ITGA2: variants seen among roughly 807,000 people sequenced by gnomAD.
ITGA2 encodes the protein integrin subunit alpha 2.
A neutral mutation model predicts 146.3 loss-of-function variants in ITGA2; 101 were observed. The observed-to-expected ratio is 0.69, with a 90% CI of 0.59 to 0.81. ITGA2 has a LOEUF of 0.81. Among genes scored for constraint, ITGA2 ranks in the 40% least tolerant of loss-of-function variants. ITGA2 has a pLI of 0.00. For synonymous variants in ITGA2, 477 were observed against 487.1 expected (o/e 0.98, Z 0.27); for missense variants, 1,281 against 1,402.7 (o/e 0.91, Z 1.39).
rs1339861518 is a variant in ITGA2 at position 53,055,578 on chromosome 5, G to A, written c.820G>A (p.Ala274Thr). 6.2e-7 allele frequency: 1 copy of A among 1,613,182 alleles called. No homozygotes were observed. The highest frequency in any genetic ancestry group is 8.5e-7 in the Non-Finnish European group (1 of 1,179,398). Residue 274 changes from alanine (A) to threonine (T), a missense_variant, in exon 8 of 30, where the codon GCT becomes ACT. Coordinates refer to ENST00000296585, the MANE Select transcript of ITGA2 (RefSeq NM_002203.4). Reference protein sequence around the residue: ...YSAASGGRRSATKVMVVVTDG... With the variant: ...YSAASGGRRSTTKVMVVVTDG... The stretch of plus-strand genomic sequence containing the variant: ...AGCAGCTTCTGGTGGGCGACGAAGT[G>A]CTACGAAAGTAATGGTAGTTGTAAC...
chr5:53,044,926 G>A lies in ITGA2; in HGVS notation c.296-75G>A, dbSNP rs1237557728. 4 of 990,110 alleles carry A rather than the reference G, an allele frequency of 4.0e-6. No individual in the cohort carries two copies. The East Asian group carries it at 7.6e-5, about 19-fold the overall frequency. 61.3% of individuals were successfully genotyped at this position (990,110 alleles called of 1,614,324 possible). On this transcript the variant is annotated intron_variant, in intron 3 of 29. Transcript: ENST00000296585. ...CAATGCTACATGCAAACATGGGTGT[G>A]CCTGTTTTCTTTTAATATCTTTAAG...
At chr5:53,072,802 T>C (rs544849926) in intron 19 of ITGA2, 107 bp downstream of exon 19, 1 of 976,680 alleles carries the variant, frequency 1.0e-6, no homozygotes, top group South Asian at 1.4e-5. Flanking sequence ...GAAACATTCA[T>C]AACTCATAAA....
intron 1 of ITGA2, among the ~76,000 whole-genome samples, chr5:53,006,018 G>C (rs922140418): frequency 2.6e-5 from 4 of 151,964 alleles, no homozygotes; most frequent in African/African-American, 9.7e-5. Context: ...ACAATGACAA[G>C]ACATGGACCC....
In ITGA2 at chr5:53,090,503, A is replaced by G. The variant is rs1415353278; in HGVS notation, c.3466-16A>G. 2.5e-6 allele frequency: 4 copies of G among 1,611,982 alleles called. No homozygotes were observed. The South Asian group carries it at 4.4e-5, about 18-fold the overall frequency. The stretch of plus-strand genomic sequence containing the variant: ...AAGCCACGGGTGGTAACATTCTTAT[A>G]TCATCACCTTTACAGCTCGGCTTCT... On this transcript the variant is annotated splice_polypyrimidine_tract_variant and intron_variant, in intron 29 of 29. Coordinates refer to ENST00000296585, the MANE Select transcript of ITGA2 (RefSeq NM_002203.4).
chr5:53,060,198 A>G (rs1023269444), intron 11 of ITGA2, among the ~76,000 whole-genome samples, 186 bp downstream of exon 11: 4 of 151,926 alleles, frequency 2.6e-5, no homozygotes, highest in African/African-American at 7.2e-5. Flanking sequence ...TTGGAATACT[A>G]TATTATACTC....
intron 1 of ITGA2, among the ~76,000 whole-genome samples, chr5:52,999,619 G>T (rs979890183): frequency 1.1e-4 from 16 of 152,134 alleles, no homozygotes; most frequent in African/African-American, 3.9e-4. Context: ...GCAGTAAGTT[G>T]CATTACAGAA....
Position 53,042,154 on chromosome 5 carries a change from A to G in ITGA2, c.228A>G (p.Arg76=). 6.2e-7 allele frequency: 1 copy of G among 1,613,492 alleles called. No individual in the cohort carries two copies. Among genetic ancestry groups the G allele is most frequent in the Non-Finnish European group, 8.5e-7 (1 of 1,179,466 alleles). Residue 76 remains arginine (R), a synonymous_variant, in exon 3 of 30, where the codon CGA becomes CGG. Coordinates refer to ENST00000296585, the MANE Select transcript of ITGA2 (RefSeq NM_002203.4). Reference sequence around the variant, plus strand: ...CCTGGAGTGGCTTTCCTGAGAACCGAATGGGAGATGTGTATAAATGTCCTG... The same window carrying G: ...CCTGGAGTGGCTTTCCTGAGAACCGGATGGGAGATGTGTATAAATGTCCTG... ...GSPWSGFPEN[R]MGDVYKCPVD... is the part of the protein sequence containing the mutation.
At chr5:53,082,898 C>G (rs923657518) in intron 26 of ITGA2, among the ~76,000 whole-genome samples, 3 of 152,090 alleles carry the variant, frequency 2.0e-5, no homozygotes, top group African/African-American at 7.2e-5. Flanking sequence ...GTTTAAAAAC[C>G]TAGGGAGTCT....
chr5:53,049,753 A>C (rs906213964), intron 6 of ITGA2, among the ~76,000 whole-genome samples: 1 of 151,972 alleles, frequency 6.6e-6, no homozygotes, highest in Non-Finnish European at 1.5e-5. Context: ...TGGTTGTAGC[A>C]GTATACTGAA....
chr5:53,068,754 TG>T (rs1745256545), intron 16 of ITGA2, among the ~76,000 whole-genome samples: 1 of 151,802 alleles, frequency 6.6e-6, no homozygotes. Context: ...TTCACAACTG[TG>T]GAAAGTGAAT....
chr5:53,065,117 T>C lies in ITGA2; in HGVS notation c.1806+2T>C. ...ACTATCCGCACAAAGTATTCCCAGGTAATCCATGAGCTGTTATGGTGATGT... is the reference window on the plus strand; with the variant it reads ...ACTATCCGCACAAAGTATTCCCAGGCAATCCATGAGCTGTTATGGTGATGT... On this transcript the variant is annotated splice_donor_variant, in intron 14 of 29. Transcript: ENST00000296585. LOFTEE classifies it high-confidence loss of function. 1.2e-6 allele frequency: 2 copies of C among 1,612,012 alleles called. No individual in the cohort carries two copies. The highest frequency in any genetic ancestry group is 1.7e-6 in the Non-Finnish European group (2 of 1,178,588).
intron 2 of ITGA2, among the ~76,000 whole-genome samples, chr5:53,039,962 T>C (rs920476515): frequency 2.6e-5 from 4 of 151,832 alleles, no homozygotes; most frequent in African/African-American, 9.7e-5. Flanking sequence ...ATTTAGTCAG[T>C]AGGAAGGCAG....
intron 17 of ITGA2, 21 bp from the exon 18 acceptor site, chr5:53,071,917 T>A (rs771001116): frequency 6.4e-7 from 1 of 1,552,292 alleles, no homozygotes; most frequent in Non-Finnish European, 8.9e-7. Context: ...CCCCTGTATG[T>A]TTGTGTGTGT....
chr5:53,076,281 G>T (rs1745659188), intron 23 of ITGA2, among the ~76,000 whole-genome samples: 1 of 151,928 alleles, frequency 6.6e-6, no homozygotes, highest in Non-Finnish European at 1.5e-5. Context: ...GTGACAGCAG[G>T]TTTGTCTAAC....
In ITGA2 at chr5:53,023,769, T is replaced by C. The variant is rs115704551; in HGVS notation, c.65-2979T>C. On this transcript the variant is annotated intron_variant, in intron 1 of 29. Transcript: ENST00000296585. ...ACATCAGAAGATATAGGCACTGGGATTGCAAAGAAGAAATACATGTTGAAT... is the reference window on the plus strand; with the variant it reads ...ACATCAGAAGATATAGGCACTGGGACTGCAAAGAAGAAATACATGTTGAAT... Among the ~76,000 whole-genome samples the C allele has an allele frequency of 6.4e-3, 978 of 152,300 alleles. 13 individuals are homozygous for C. Among genetic ancestry groups the C allele is most frequent in the African/African-American group, 0.021 (869 of 41,556 alleles).
chr5:53,065,726 A>G (rs1025107025), intron 14 of ITGA2, 115 bp from the exon 15 acceptor site: 43 of 1,348,710 alleles, frequency 3.2e-5, no homozygotes, highest in Non-Finnish European at 4.1e-5. Flanking sequence ...TTTGTAGAGA[A>G]TAAACACAAT....
chr5:53,039,739 C>CAAA (rs1175067104), intron 2 of ITGA2, among the ~76,000 whole-genome samples: 31 of 33,242 alleles, frequency 9.3e-4, no homozygotes, highest in East Asian at 1.9e-3. Context: ...GACTCCATCT[C>CAAA]AAAAAAAAAA....
At chr5:53,068,147 G>A (rs955828428) in intron 16 of ITGA2, among the ~76,000 whole-genome samples, 3 of 151,856 alleles carry the variant, frequency 2.0e-5, no homozygotes, top group Non-Finnish European at 4.4e-5. Flanking sequence ...TGAAAATACA[G>A]AAGCAGGTTA....
intron 24 of ITGA2, among the ~76,000 whole-genome samples, chr5:53,079,527 A>C (rs1313610327): frequency 3.9e-5 from 6 of 152,120 alleles, no homozygotes; most frequent in Non-Finnish European, 8.8e-5. Context: ...ATTGTAATTA[A>C]AGTTAAAGAA....
Sources: gnomAD v4.1 joint callset for allele counts (sites outside exome capture counted in the v4.1 genomes callset) on GRCh38, gnomAD v4.1.1 for gene constraint, MANE v1.5 for transcripts, NCBI Gene and HGNC (gene_info 2026-07-23, HGNC 2026-07-21) for gene names.